The following CCDC171 variants were observed in gnomAD, a reference collection of about 807,000 sequenced individuals.
The protein encoded by CCDC171 is coiled-coil domain-containing protein 171.
CCDC171 carries 177 observed loss-of-function variants against 168.2 expected under a neutral mutation model. The observed-to-expected ratio is 1.05, with a 90% confidence interval of 0.93 to 1.19. The LOEUF (loss-of-function observed/expected upper bound fraction) is 1.19, where lower values mean the gene tolerates loss of function less well. CCDC171 is among the 50% of genes most tolerant of loss of function. The probability of loss-of-function intolerance (pLI) is 0.00; values close to 1 mark genes in which losing one functional copy is unlikely to be tolerated. For missense variants in CCDC171, 1,991 were observed against 1,539.0 expected (o/e 1.29, Z -4.91); for synonymous variants, 687 against 540.8 (o/e 1.27, Z -3.75).
chr9:15,997,901 A>C (rs1312097342), intron 3 of CCDC171, among the ~76,000 whole-genome samples: 5 of 151,912 alleles, frequency 3.3e-5, no homozygotes, highest in African/African-American at 1.2e-4. Context: ...CAGAATCTCT[A>C]CCTCCCTCTG....
chr9:15,628,944 A>T (rs2045428694), intron 7 of CCDC171, among the ~76,000 whole-genome samples: 1 of 152,150 alleles, frequency 6.6e-6, no homozygotes, highest in African/African-American at 2.4e-5. Flanking sequence ...CCTCTAGCAA[A>T]CTCCAGCAGA....
the CCDC171 span, among the ~76,000 whole-genome samples, chr9:16,078,947 C>T: frequency 3.0e-4 from 45 of 152,262 alleles, no homozygotes; most frequent in African/African-American, 8.9e-4. Flanking sequence ...AGACTAAGCT[C>T]GGCCTTGAAG....
At chr9:16,052,773 T>G (rs1833771833) in intron 1 of CCDC171, among the ~76,000 whole-genome samples, 1 of 152,018 alleles carries the variant, frequency 6.6e-6, no homozygotes, top group South Asian at 2.1e-4. Flanking sequence ...CCACAAACTC[T>G]CTTTCTTTCC....
intron 18 of CCDC171, among the ~76,000 whole-genome samples, chr9:15,757,631 G>A (rs1394731540): frequency 3.9e-5 from 6 of 152,206 alleles, no homozygotes; most frequent in African/African-American, 1.4e-4. Context: ...AGACAATGGG[G>A]AAATGTCTCC....
At chr9:16,011,050 A>G (rs571143853) in intron 3 of CCDC171, among the ~76,000 whole-genome samples, 1 of 152,306 alleles carries the variant, frequency 6.6e-6, no homozygotes, top group East Asian at 1.9e-4. Flanking sequence ...AATGGAGTGT[A>G]TGTAAAGCAA....
intron 18 of CCDC171, among the ~76,000 whole-genome samples, chr9:15,777,052 A>G (rs180983320): frequency 6.6e-6 from 1 of 152,204 alleles, no homozygotes; most frequent in Non-Finnish European, 1.5e-5. Flanking sequence ...TTATTTATCA[A>G]CATTAAACAC....
rs773274061 is a variant in CCDC171 at position 15,721,799 on chromosome 9, G to C, written c.1349G>C (p.Ser450Thr). 3.6e-5 allele frequency: 56 copies of C among 1,560,466 alleles called. No individual in the cohort carries two copies. The highest frequency in any genetic ancestry group is 4.9e-5 in the Non-Finnish European group (56 of 1,152,884). ...CACAAGGACAAAGATAAACCTCCCAGCTTCTCTGTTGTCCTTGAGAGATTG... is the reference window on the plus strand; with the variant it reads ...CACAAGGACAAAGATAAACCTCCCACCTTCTCTGTTGTCCTTGAGAGATTG... ...GIHKDKDKPP[S>T]FSVVLERLRR... The change falls in exon 12 of 26, where the codon AGC becomes ACC. Residue 450 changes from serine to threonine, a missense_variant. Coordinates refer to ENST00000380701, the MANE Select transcript of CCDC171 (RefSeq NM_173550.4).
chr9:15,784,139 A>G (rs926217864), intron 20 of CCDC171, among the ~76,000 whole-genome samples: 1 of 152,214 alleles, frequency 6.6e-6, no homozygotes, highest in Admixed American at 6.5e-5. Flanking sequence ...TACGCTGAAC[A>G]CAAACTTCTA....
intron 3 of CCDC171, among the ~76,000 whole-genome samples, chr9:15,987,565 T>C (rs1430637234): frequency 2.0e-5 from 3 of 152,218 alleles, no homozygotes; most frequent in Non-Finnish European, 4.4e-5. Flanking sequence ...TGTAGCCTTG[T>C]TGGCAGTAGC....
intron 6 of CCDC171, among the ~76,000 whole-genome samples, chr9:16,026,056 G>C (rs36041873): frequency 6.6e-6 from 1 of 152,212 alleles, no homozygotes; most frequent in African/African-American, 2.4e-5. Context: ...AGGCTCAACT[G>C]TATGGTAAGG....
At position 15,745,554 on chromosome 9, in the gene CCDC171, G is replaced by A. The variant is rs374021046; in HGVS notation, c.2594G>A (p.Ser865Asn). 39 of 1,589,496 alleles carry A rather than the reference G, an allele frequency of 2.5e-5. No homozygotes were observed. The highest frequency in any genetic ancestry group is 3.2e-5 in the Non-Finnish European group (38 of 1,170,336). The change falls in exon 18 of 26, where the codon AGT (serine) becomes AAT (asparagine). Residue 865 changes from serine to asparagine, a missense_variant. Physicochemically the swap from Ser to Asn is conservative, Grantham distance 46 (BLOSUM62 1). Coordinates refer to ENST00000380701, the MANE Select transcript of CCDC171 (RefSeq NM_173550.4). ...KEQLRCLQAL[S>N]WLTSSDLLAA... ...CAGTTGCGTTGTTTACAAGCGCTCAGTTGGCTCACCAGTTCTGACCTTCTT... is the reference window on the plus strand; with the variant it reads ...CAGTTGCGTTGTTTACAAGCGCTCAATTGGCTCACCAGTTCTGACCTTCTT...
At chr9:16,027,350 C>A (rs893322319) in intron 6 of CCDC171, among the ~76,000 whole-genome samples, 3 of 151,892 alleles carry the variant, frequency 2.0e-5, no homozygotes, top group Admixed American at 6.6e-5. Flanking sequence ...ATACCTGGAC[C>A]ACCAACAAAA....
chr9:15,741,282 C>G (rs1166995881), intron 16 of CCDC171, among the ~76,000 whole-genome samples: 2 of 152,154 alleles, frequency 1.3e-5, no homozygotes, highest in Non-Finnish European at 2.9e-5. Flanking sequence ...GTTAAGCAGT[C>G]ACTCCTTATT....
At chr9:15,764,537 T>C (rs1383733110) in intron 18 of CCDC171, among the ~76,000 whole-genome samples, 1 of 152,188 alleles carries the variant, frequency 6.6e-6, no homozygotes, top group Admixed American at 6.5e-5. Flanking sequence ...GGCTTTTGTC[T>C]TGTGTAAATG....
At chr9:15,886,845 T>C (rs190376912) in intron 24 of CCDC171, 4 of 151,958 alleles carry the variant, frequency 2.6e-5, no homozygotes, top group Non-Finnish European at 4.4e-5. Context: ...ACAACATATA[T>C]GAACATGGAG....
chr9:15,778,723 A>G (rs1202120165), intron 19 of CCDC171, among the ~76,000 whole-genome samples: 2 of 151,284 alleles, frequency 1.3e-5, no homozygotes, highest in South Asian at 2.1e-4. Context: ...ACAGAATTGT[A>G]TGAGACCTAA....
At chr9:16,057,394 A>T (rs1260732772) in intron 1 of CCDC171, among the ~76,000 whole-genome samples, 2 of 152,154 alleles carry the variant, frequency 1.3e-5, no homozygotes, top group Admixed American at 6.5e-5. Flanking sequence ...AACTGGAAAG[A>T]TTTAAGATGT....
rs368475881 is a variant in CCDC171, at chr9:15,821,085, T to C, written c.3268-25617T>C. 6.4e-4 allele frequency among the ~76,000 whole-genome samples: 75 copies of C among 116,298 alleles called. 20 individuals are homozygous for C. The highest frequency in any genetic ancestry group is 4.6e-3 in the South Asian group (16 of 3,496). 76.3% of individuals were successfully genotyped at this position (116,298 alleles called of 152,430 possible). ...ATATAAACAGACCCAAAGACAAAAA[T>C]CACATGATTATCTCAATAGATGCAG... is the stretch of plus-strand genomic sequence containing the variant. On this transcript the variant is annotated intron_variant, in intron 21 of 25. Transcript: ENST00000380701.
intron 3 of CCDC171, among the ~76,000 whole-genome samples, chr9:16,013,139 C>G (rs1189368008): frequency 6.6e-6 from 1 of 152,206 alleles, no homozygotes; most frequent in African/African-American, 2.4e-5. Context: ...GATAGCTATA[C>G]TGTCTTTCCA....
Sources: allele counts gnomAD v4.1 joint callset (sites outside exome capture counted in the v4.1 genomes callset), GRCh38; gene constraint gnomAD v4.1.1; transcripts MANE v1.5; gene names NCBI Gene and HGNC (gene_info 2026-07-23, HGNC 2026-07-21).